PNKP: variants seen among roughly 807,000 people sequenced by gnomAD.
PNKP encodes the protein polynucleotide kinase 3'-phosphatase.
PNKP carries 82 observed loss-of-function variants against 66.2 expected under a neutral mutation model. The ratio of observed to expected loss-of-function variants is 1.24; its 90% confidence interval spans 1.04 to 1.49. The LOEUF is 1.49. PNKP is among the 40% of genes most tolerant of loss of function. PNKP has a pLI of 0.00. For synonymous variants in PNKP, 412 were observed against 298.9 expected (o/e 1.38, Z -3.90); for missense variants, 907 against 706.8 (o/e 1.28, Z -3.21).
chr19:49,867,547 G>C lies in PNKP; in HGVS notation c.-92C>G, dbSNP rs973430663. On this transcript the variant is annotated 5_prime_UTR_variant, in exon 1 of 17. Transcript: ENST00000322344. ...AGGTGCCCCGCCTGCAACCCGGCCG[G>C]CGGCGGTCGGTTCCTCGGCGGACGG... The C allele has an allele frequency of 1.4e-4, 36 of 256,126 alleles. No individual in the cohort carries two copies. Among genetic ancestry groups the C allele is most frequent in the African/African-American group, 1.1e-3 (34 of 31,714 alleles). The allele number at this position is 256,126 out of a possible 1,614,324, so 15.9% of individuals were successfully genotyped here. A position where few individuals can be genotyped will look rare whatever the true frequency, so the allele number is the denominator to read the frequency against.
In PNKP at chr19:49,861,278, C is replaced by T. The variant is rs766717633; in HGVS notation, c.1536G>A (p.Gly512=). The change falls in exon 17 of 17, where the codon GGG becomes GGA. Residue 512 remains glycine, a synonymous_variant. Coordinates refer to ENST00000322344, the MANE Select transcript of PNKP (RefSeq NM_007254.4). ...PFRLWVEPRL[G]RLYCQFSEG is the part of the protein sequence containing the mutation. ...CCTCGGAGAACTGGCAGTACAGCCGCCCCAGCCTCGGCTCCACCCATAGCC... is the reference window on the plus strand; with the variant it reads ...CCTCGGAGAACTGGCAGTACAGCCGTCCCAGCCTCGGCTCCACCCATAGCC... 3 of 1,613,270 alleles carry T rather than the reference C, an allele frequency of 1.9e-6. No individual in the cohort carries two copies. The highest frequency in any genetic ancestry group is 1.1e-5 in the South Asian group (1 of 91,060).
rs758700077 is a variant in PNKP at position 49,866,445 on chromosome 19, A to C, written c.152T>G (p.Val51Gly). 6.2e-7 allele frequency: 1 copy of C among 1,614,094 alleles called. No individual in the cohort carries two copies. The highest frequency in any genetic ancestry group is 1.3e-5 in the African/African-American group (1 of 75,050). The change falls in exon 3 of 17, where the codon GTG (valine) becomes GGG (glycine). Residue 51 changes from valine (V) to glycine (G), a missense_variant and splice_region_variant. Val to Gly is a moderately radical substitution (Grantham distance 109). Coordinates refer to ENST00000322344, the MANE Select transcript of PNKP (RefSeq NM_007254.4). ...VTDRKCSRTQ[V>G]ELVADPETRT... ...GGTCTCAGGATCTGCGACCAGCTCC[A>C]CTGAGGATTGGAGGGGTGGAGTCAG...
rs746916070 is a variant in PNKP at position 49,861,349 on chromosome 19, G to C, written c.1465C>G (p.Pro489Ala). 1 of 1,614,196 alleles carries C rather than the reference G, an allele frequency of 6.2e-7. No homozygotes were observed. The highest frequency in any genetic ancestry group is 8.5e-7 in the Non-Finnish European group (1 of 1,180,018). Residue 489 changes from proline to alanine, a missense_variant, in exon 17 of 17, where the codon CCA (proline) becomes GCA (alanine). By Grantham distance (27) the Pro-to-Ala change is conservative (BLOSUM62 -1). Transcript: ENST00000322344. The part of the protein sequence containing the change: ...MYGYRKQFEA[P>A]TLAEGFSAIL... ...GCAGAGAAGCCTTCAGCCAGCGTTGGGGCCTCGAACTGCTTCCTGGCAGTG... is the reference window on the plus strand; with the variant it reads ...GCAGAGAAGCCTTCAGCCAGCGTTGCGGCCTCGAACTGCTTCCTGGCAGTG...
At position 49,861,271 on chromosome 19, in the gene PNKP, ACAGCCGCCC is replaced by A. The variant is rs1345193133; in HGVS notation, c.1534_1542del (p.Gly512_Leu514del). ...GCTCAGCCCTCGGAGAACTGGCAGTACAGCCGCCCCAGCCTCGGCTCCACCCATAGCCGG... is the reference window on the plus strand; with the variant it reads ...GCTCAGCCCTCGGAGAACTGGCAGTACAGCCTCGGCTCCACCCATAGCCGG... On this transcript the variant is annotated inframe_deletion, in exon 17 of 17. Transcript: ENST00000322344. 6.2e-7 allele frequency: 1 copy of A among 1,612,022 alleles called. No individual in the cohort carries two copies. The highest frequency in any genetic ancestry group is 8.5e-7 in the Non-Finnish European group (1 of 1,178,410).
At position 49,866,385 on chromosome 19, in the gene PNKP, A is replaced by T. The variant is rs1568662823; in HGVS notation, c.198+14T>A. 1 of 1,612,680 alleles carries T rather than the reference A, an allele frequency of 6.2e-7. No individual in the cohort carries two copies. Among genetic ancestry groups the T allele is most frequent in the Non-Finnish European group, 8.5e-7 (1 of 1,178,672 alleles). On this transcript the variant is annotated intron_variant, in intron 3 of 16. Transcript: ENST00000322344. Reference sequence around the variant, plus strand: ...ATCCCCAGGCCTTGCTGGCCCTTGCAGAGGCACTGATACCTGTTTCACTGC... The same window carrying T: ...ATCCCCAGGCCTTGCTGGCCCTTGCTGAGGCACTGATACCTGTTTCACTGC...
chr19:49,864,464 C>T, intron 4 of PNKP, 61 bp from the exon 5 acceptor site: 5 of 1,289,024 alleles, frequency 3.9e-6, no homozygotes, highest in Non-Finnish European at 5.6e-6. Flanking sequence ...TCCTCACTCA[C>T]AGGCTGACTC....
In PNKP at chr19:49,864,241, G is replaced by C; in HGVS notation, c.579-5C>G. 6.2e-7 allele frequency: 1 copy of C among 1,614,070 alleles called. No homozygotes were observed. The highest frequency in any genetic ancestry group is 8.5e-7 in the Non-Finnish European group (1 of 1,179,956). ...GGAATCTCTGGGTACAAGATCCTACGGCAGGTATGAAGCGGCAGGGGTGAC... is the reference window on the plus strand; with the variant it reads ...GGAATCTCTGGGTACAAGATCCTACCGCAGGTATGAAGCGGCAGGGGTGAC... On this transcript the variant is annotated splice_polypyrimidine_tract_variant and splice_region_variant and intron_variant, in intron 5 of 16. Coordinates refer to ENST00000322344, the MANE Select transcript of PNKP (RefSeq NM_007254.4).
rs373222184 is a variant in PNKP, at chr19:49,861,538, G to A, written c.1387-28C>T. The A allele has an allele frequency of 1.7e-4, 233 of 1,399,220 alleles. No individual in the cohort carries two copies. The African/African-American group carries it at 2.7e-3, about 16-fold the overall frequency. The allele number at this position is 1,399,220 out of a possible 1,614,324, so 86.7% of individuals were successfully genotyped here. The stretch of plus-strand genomic sequence containing the variant: ...GTGGGGAACATCAGAGGGGCGGCAG[G>A]CCCAGGGGTCAGGGGAGGAGGGGGG... On this transcript the variant is annotated intron_variant, in intron 15 of 16. Coordinates refer to ENST00000322344, the MANE Select transcript of PNKP (RefSeq NM_007254.4).
chr19:49,867,255 C>T, intron 1 of PNKP, 38 bp from the exon 2 acceptor site: 1 of 1,557,200 alleles, frequency 6.4e-7, no homozygotes, highest in Non-Finnish European at 8.7e-7. Flanking sequence ...GGCGCACAGC[C>T]CCAATTTGCT....
rs757528517 is a variant in PNKP at position 49,865,385 on chromosome 19, C to A, written c.240G>T (p.Lys80Asn). 5 of 1,612,704 alleles carry A rather than the reference C, an allele frequency of 3.1e-6. No homozygotes were observed. The highest frequency in any genetic ancestry group is 3.4e-6 in the Non-Finnish European group (4 of 1,179,404). The change falls in exon 4 of 17, where the codon AAG becomes AAT. Residue 80 changes from lysine to asparagine, a missense_variant. Coordinates refer to ENST00000322344, the MANE Select transcript of PNKP (RefSeq NM_007254.4). ...CCCCCAGAGAGCCCTCCAACCCCGG[C>A]TTCAACTCCTGGGTCCCGGTAGTTG... The part of the protein sequence containing the change: ...NPSTTGTQEL[K>N]PGLEGSLGVG...
chr19:49,862,097 AC>A lies in PNKP; in HGVS notation c.1134del (p.Lys378AsnfsTer17). ...VVAVGFPGAGKSTFLKKHLVS... is the reference protein window; with the variant it reads ...VVAVGFPGAGXSTFLKKHLVS... ...ACGAGGTGCTTCTTGAGAAAGGTGG[AC>A]TTCCCGGCTGTGTGGGGGGCAGTGT... is the stretch of plus-strand genomic sequence containing the variant. On this transcript the variant is annotated frameshift_variant, in exon 13 of 17. Coordinates refer to ENST00000322344, the MANE Select transcript of PNKP (RefSeq NM_007254.4). LOFTEE classifies it high-confidence loss of function. 9 of 1,614,074 alleles carry A rather than the reference AC, an allele frequency of 5.6e-6. No homozygotes were observed. The highest frequency in any genetic ancestry group is 7.6e-6 in the Non-Finnish European group (9 of 1,179,994).
intron 8 of PNKP, among the ~76,000 whole-genome samples, chr19:49,863,343 C>A (rs2074793893): frequency 6.6e-6 from 1 of 152,234 alleles, no homozygotes; most frequent in South Asian, 2.1e-4. Flanking sequence ...GTTTTACACG[C>A]CAGTCTGCCC....
chr19:49,865,626 C>T (rs80059722), intron 3 of PNKP, 200 bp from the exon 4 acceptor site: 7,016 of 145,040 alleles, frequency 0.048, 314 homozygotes, highest in African/African-American at 0.26. Flanking sequence ...TTTTTTTTTT[C>T]CCCTGGAGAT....
chr19:49,861,824 C>T lies in PNKP; in HGVS notation c.1246G>A (p.Gly416Arg), dbSNP rs1288356734. 6.3e-7 allele frequency: 1 copy of T among 1,589,598 alleles called. No homozygotes were observed. ...VTTCETALKQ[G>R]KRVAIDNTNP... The stretch of plus-strand genomic sequence containing the variant: ...GTGTTGTCGATGGCGACCCGTTTCC[C>T]TTGCTTCAGGGCTGTCTCACACGTG... The change falls in exon 14 of 17, where the codon GGG becomes AGG. Residue 416 changes from glycine to arginine, a missense_variant. Transcript: ENST00000322344.
chr19:49,862,343 C>T, intron 11 of PNKP, 28 bp downstream of exon 11: 1 of 1,355,086 alleles, frequency 7.4e-7, no homozygotes, highest in Non-Finnish European at 1.0e-6. Context: ...CTCCCATCCC[C>T]ACCCCCACCC....
intron 4 of PNKP, among the ~76,000 whole-genome samples, chr19:49,864,879 C>G (rs181549329): frequency 6.6e-6 from 1 of 152,282 alleles, no homozygotes; most frequent in Non-Finnish European, 1.5e-5. Flanking sequence ...ATAAAAAATC[C>G]TCATCGTAAT....
chr19:49,865,515 C>G (rs1408531599), intron 3 of PNKP, 89 bp from the exon 4 acceptor site: 3 of 895,980 alleles, frequency 3.3e-6, no homozygotes, highest in Non-Finnish European at 5.4e-6. Context: ...ATCAGCCCTT[C>G]TCCACCACTA....
Position 49,862,067 on chromosome 19 carries a change from C to A in PNKP, c.1165G>T (p.Ala389Ser), listed in dbSNP as rs575803996. 2.0e-5 allele frequency: 33 copies of A among 1,614,158 alleles called. 1 individual carries two copies. In the South Asian group the frequency reaches 3.0e-4, roughly 15 times the overall value. The change falls in exon 13 of 17, where the codon GCC becomes TCC. Residue 389 changes from alanine (A) to serine (S), a missense_variant. Ala to Ser is a moderately conservative substitution (Grantham distance 99, BLOSUM62 1). Coordinates refer to ENST00000322344, the MANE Select transcript of PNKP (RefSeq NM_007254.4). Reference sequence around the variant, plus strand: ...ACCCTGTTCACGTGGACATATCCGGCCGACACGAGGTGCTTCTTGAGAAAG... The same window carrying A: ...ACCCTGTTCACGTGGACATATCCGGACGACACGAGGTGCTTCTTGAGAAAG... ...STFLKKHLVS[A>S]GYVHVNRDTL...
At position 49,867,152 on chromosome 19, in the gene PNKP, C is replaced by G; in HGVS notation, c.53G>C (p.Gly18Ala). The change falls in exon 2 of 17, where the codon GGA (glycine) becomes GCA (alanine). Residue 18 changes from glycine to alanine, a missense_variant. Physicochemically the swap from Gly to Ala is moderately conservative, Grantham distance 60. Transcript: ENST00000322344. ...GRLWLESPPG[G>A]APPIFLPSDG... is the part of the protein sequence containing the mutation. ...CGAGGGCAGGAAGATGGGGGGCGCT[C>G]CCCCAGGGGGGCTCTCGAGCCACAA... 6.2e-7 allele frequency: 1 copy of G among 1,612,320 alleles called. No homozygotes were observed. Among genetic ancestry groups the G allele is most frequent in the Non-Finnish European group, 8.5e-7 (1 of 1,179,630 alleles).
Sources: allele counts gnomAD v4.1 joint callset (sites outside exome capture counted in the v4.1 genomes callset), GRCh38; gene constraint gnomAD v4.1.1; transcripts MANE v1.5; gene names NCBI Gene and HGNC (gene_info 2026-07-23, HGNC 2026-07-21).